Variants in SLC25A21 observed in about 807,000 individuals in gnomAD.
The protein encoded by SLC25A21 is solute carrier family 25 member 21.
A neutral mutation model predicts 43.8 loss-of-function variants in SLC25A21; 47 were observed. The observed-to-expected ratio is 1.07, with a 90% CI of 0.85 to 1.37. The LOEUF (loss-of-function observed/expected upper bound fraction) is 1.37, where lower values mean the gene tolerates loss of function less well. Among genes scored for constraint, SLC25A21 ranks in the 40% most tolerant of loss-of-function variants. The pLI, the probability that SLC25A21 is intolerant of heterozygous loss-of-function variation, is 0.00. For synonymous variants in SLC25A21, 131 were observed against 121.3 expected (o/e 1.08, Z -0.52); for missense variants, 352 against 350.2 (o/e 1.00, Z -0.04).
chr14:37,099,431 A>G (rs1232470437), intron 1 of SLC25A21, among the ~76,000 whole-genome samples: 1 of 152,108 alleles, frequency 6.6e-6, no homozygotes, highest in Non-Finnish European at 1.5e-5. Context: ...TTCCGTTCTA[A>G]CAGTCATTTG....
At chr14:36,818,335 G>C (rs1019390596) in intron 2 of SLC25A21, among the ~76,000 whole-genome samples, 1 of 152,200 alleles carries the variant, frequency 6.6e-6, no homozygotes, top group African/African-American at 2.4e-5. Flanking sequence ...TGAAATCCTT[G>C]AGGAGTGCTT....
chr14:36,921,146 CT>C (rs1891969923), intron 1 of SLC25A21, among the ~76,000 whole-genome samples: 1 of 152,074 alleles, frequency 6.6e-6, no homozygotes, highest in Non-Finnish European at 1.5e-5. Context: ...GTGGTTTCTT[CT>C]CCTAACATAA....
chr14:36,755,687 G>C (rs1364030837), intron 3 of SLC25A21, among the ~76,000 whole-genome samples: 1 of 152,058 alleles, frequency 6.6e-6, no homozygotes, highest in Non-Finnish European at 1.5e-5. Flanking sequence ...TCAAATATAT[G>C]AACACATAGA....
chr14:36,678,401 T>G lies in SLC25A21; in HGVS notation c.*2257A>C. 6 of 1,156,842 alleles carry G rather than the reference T, an allele frequency of 5.2e-6. No homozygotes were observed. The highest frequency in any genetic ancestry group is 7.5e-6 in the Non-Finnish European group (6 of 802,792). The allele number at this position is 1,156,842 out of a possible 1,614,324, so 71.7% of individuals were successfully genotyped here. A position where few individuals can be genotyped will look rare whatever the true frequency, so the allele number is the denominator to read the frequency against. On this transcript the variant is annotated 3_prime_UTR_variant, in exon 10 of 10. Coordinates refer to ENST00000331299, the MANE Select transcript of SLC25A21 (RefSeq NM_030631.4). ...GAGGATTATAACTTCAGGAGAAGAATAAGCAGAAGGAGCAGATGAACTCTC... is the reference window on the plus strand; with the variant it reads ...GAGGATTATAACTTCAGGAGAAGAAGAAGCAGAAGGAGCAGATGAACTCTC...
At chr14:37,116,234 C>CT (rs1963103631) in intron 1 of SLC25A21, among the ~76,000 whole-genome samples, 1 of 152,204 alleles carries the variant, frequency 6.6e-6, no homozygotes, top group Non-Finnish European at 1.5e-5. Context: ...ACAATACCCT[C>CT]TCTCAAGATG....
At chr14:37,015,837 T>C (rs1430092624) in intron 1 of SLC25A21, among the ~76,000 whole-genome samples, 21 of 152,264 alleles carry the variant, frequency 1.4e-4, no homozygotes, top group Admixed American at 3.9e-4. Context: ...GCATAAATGT[T>C]TTCTTTTGAG....
At chr14:37,146,968 G>C (rs1411332614) in intron 1 of SLC25A21, among the ~76,000 whole-genome samples, 1 of 152,062 alleles carries the variant, frequency 6.6e-6, no homozygotes, top group Non-Finnish European at 1.5e-5. Context: ...CAACCTTAAT[G>C]CCTCCTAATT....
intron 1 of SLC25A21, among the ~76,000 whole-genome samples, chr14:37,087,905 T>G (rs1381213490): frequency 1.3e-5 from 2 of 152,044 alleles, no homozygotes; most frequent in Non-Finnish European, 2.9e-5. Context: ...CTTGAGTGAG[T>G]GGGTACATCA....
chr14:36,743,953 A>G (rs1885384077), intron 3 of SLC25A21, among the ~76,000 whole-genome samples: 1 of 152,182 alleles, frequency 6.6e-6, no homozygotes, highest in African/African-American at 2.4e-5. Flanking sequence ...CTAGGAATAT[A>G]CTTAACCAAG....
intron 1 of SLC25A21, among the ~76,000 whole-genome samples, chr14:37,053,477 T>A (rs1961754684): frequency 6.6e-6 from 1 of 152,226 alleles, no homozygotes; most frequent in Non-Finnish European, 1.5e-5. Flanking sequence ...GGTTAAATGC[T>A]ATATAATGTA....
intron 7 of SLC25A21, among the ~76,000 whole-genome samples, chr14:36,700,787 G>C (rs1883248296): frequency 6.6e-6 from 1 of 152,138 alleles, no homozygotes; most frequent in South Asian, 2.1e-4. Flanking sequence ...AATAAACAAA[G>C]AACCAAGGTT....
At chr14:37,122,098 G>A (rs1456694266) in intron 1 of SLC25A21, among the ~76,000 whole-genome samples, 4 of 152,270 alleles carry the variant, frequency 2.6e-5, no homozygotes, top group Non-Finnish European at 2.9e-5. Context: ...TCTTTAACAG[G>A]AGGATATAGT....
At chr14:37,034,380 G>A (rs546695012) in intron 1 of SLC25A21, among the ~76,000 whole-genome samples, 5 of 152,080 alleles carry the variant, frequency 3.3e-5, no homozygotes, top group Admixed American at 2.6e-4. Flanking sequence ...TTGGATGATC[G>A]TTCTCTGTCT....
chr14:36,791,028 C>T (rs1205642768), intron 3 of SLC25A21, among the ~76,000 whole-genome samples: 3 of 152,148 alleles, frequency 2.0e-5, no homozygotes, highest in Non-Finnish European at 2.9e-5. Flanking sequence ...AATTTGTGAA[C>T]ATAAGCAATA....
At chr14:36,888,312 C>T (rs1478092903) in intron 1 of SLC25A21, among the ~76,000 whole-genome samples, 1 of 152,016 alleles carries the variant, frequency 6.6e-6, no homozygotes, top group Non-Finnish European at 1.5e-5. Flanking sequence ...CTGTTCATCA[C>T]AATTTAATAA....
chr14:36,979,332 G>GTT (rs1283870965), intron 1 of SLC25A21, among the ~76,000 whole-genome samples: 2 of 119,052 alleles, frequency 1.7e-5, no homozygotes, highest in Non-Finnish European at 3.7e-5. Flanking sequence ...TGTTTTTTTG[G>GTT]TTTTTTTTTT....
At chr14:37,048,858 A>G (rs1961645246) in intron 1 of SLC25A21, among the ~76,000 whole-genome samples, 1 of 152,196 alleles carries the variant, frequency 6.6e-6, no homozygotes, top group Admixed American at 6.5e-5. Flanking sequence ...ACTAGAGCAG[A>G]CTAGTTTTGC....
intron 1 of SLC25A21, among the ~76,000 whole-genome samples, chr14:37,165,815 C>T (rs1002430389): frequency 6.6e-6 from 1 of 152,084 alleles, no homozygotes; most frequent in African/African-American, 2.4e-5. Context: ...AGAACTACCC[C>T]GTGGTCTTTG....
intron 1 of SLC25A21, among the ~76,000 whole-genome samples, chr14:37,050,635 G>A (rs949819234): frequency 1.2e-4 from 19 of 152,134 alleles, no homozygotes; most frequent in Non-Finnish European, 2.1e-4. Flanking sequence ...ATTAGAATGC[G>A]TTCATTTGAG....
Sources: gnomAD v4.1 joint callset for allele counts (sites outside exome capture counted in the v4.1 genomes callset) on GRCh38, gnomAD v4.1.1 for gene constraint, MANE v1.5 for transcripts, NCBI Gene and HGNC (gene_info 2026-07-23, HGNC 2026-07-21) for gene names.